Variants in HSD17B12 observed in about 807,000 individuals in gnomAD.
HSD17B12 encodes very-long-chain 3-oxoacyl-CoA reductase.
Under a neutral mutation model 39.3 loss-of-function variants are expected in HSD17B12, and 32 were observed. The observed-to-expected ratio is 0.81, with a 90% CI of 0.61 to 1.09. The LOEUF (loss-of-function observed/expected upper bound fraction) is 1.09, where lower values mean the gene tolerates loss of function less well. Ranked by LOEUF, HSD17B12 falls within the 50% of genes least tolerant of loss-of-function variation. The pLI is 0.00. For synonymous variants in HSD17B12, 150 were observed against 146.7 expected (o/e 1.02, Z -0.16); for missense variants, 342 against 382.9 (o/e 0.89, Z 0.89).
the HSD17B12 span, among the ~76,000 whole-genome samples, chr11:43,609,154 G>A: frequency 6.6e-6 from 1 of 151,516 alleles, no homozygotes; most frequent in Non-Finnish European, 1.5e-5. Flanking sequence ...TGTCCAGACT[G>A]GTCTCAAACT....
the HSD17B12 span, among the ~76,000 whole-genome samples, chr11:43,609,085 T>C: frequency 2.0e-5 from 3 of 151,584 alleles, no homozygotes; most frequent in Non-Finnish European, 4.4e-5. Flanking sequence ...CGCACCACCA[T>C]GCCCAGTTGA....
At chr11:43,818,529 A>C (rs1951151645) in intron 6 of HSD17B12, among the ~76,000 whole-genome samples, 1 of 152,234 alleles carries the variant, frequency 6.6e-6, no homozygotes, top group Non-Finnish European at 1.5e-5. Flanking sequence ...GGGCAGTGTC[A>C]GATACTTGAA....
chr11:43,787,129 C>G (rs1306204974), intron 3 of HSD17B12, among the ~76,000 whole-genome samples: 1 of 151,758 alleles, frequency 6.6e-6, no homozygotes, highest in Non-Finnish European at 1.5e-5. Context: ...TTTAGTAGAC[C>G]CTGGGTTTCA....
At chr11:43,772,836 C>G (rs1409470618) in intron 3 of HSD17B12, among the ~76,000 whole-genome samples, 3 of 152,276 alleles carry the variant, frequency 2.0e-5, no homozygotes, top group Non-Finnish European at 4.4e-5. Context: ...TTCAGCCAGG[C>G]ATGGTGGCTC....
At chr11:43,759,983 T>C (rs2134962900) in intron 3 of HSD17B12, among the ~76,000 whole-genome samples, 1 of 151,780 alleles carries the variant, frequency 6.6e-6, no homozygotes, top group East Asian at 1.9e-4. Context: ...GCAACCTACG[T>C]CTCCCAGGTT....
chr11:43,563,213 G>T, the HSD17B12 span, among the ~76,000 whole-genome samples: 1 of 152,162 alleles, frequency 6.6e-6, no homozygotes, highest in Non-Finnish European at 1.5e-5. Flanking sequence ...CCATACACTA[G>T]ATTCTCAGGA....
chr11:43,688,587 T>C (rs1378348247), intron 1 of HSD17B12, among the ~76,000 whole-genome samples: 1 of 152,252 alleles, frequency 6.6e-6, no homozygotes, highest in East Asian at 1.9e-4. Context: ...GAAAGTTATC[T>C]TTGCCACCAT....
At chr11:43,826,832 G>A (rs549997829) in intron 6 of HSD17B12, among the ~76,000 whole-genome samples, 46 of 152,314 alleles carry the variant, frequency 3.0e-4, no homozygotes, top group African/African-American at 1.0e-3. Context: ...TGTGTGCTGT[G>A]TCATTGTAGC....
At chr11:43,850,223 C>T (rs1228353601) in intron 9 of HSD17B12, among the ~76,000 whole-genome samples, 1 of 152,126 alleles carries the variant, frequency 6.6e-6, no homozygotes, top group Non-Finnish European at 1.5e-5. Flanking sequence ...AAGCTAATTT[C>T]GTGGTCTGCA....
At chr11:43,721,327 G>A (rs1950174098) in intron 1 of HSD17B12, among the ~76,000 whole-genome samples, 1 of 152,024 alleles carries the variant, frequency 6.6e-6, no homozygotes, top group Non-Finnish European at 1.5e-5. Context: ...GGGTAAGAGT[G>A]TTCCAGGCAG....
chr11:43,703,424 G>A (rs1410792231), intron 1 of HSD17B12, among the ~76,000 whole-genome samples: 1 of 152,176 alleles, frequency 6.6e-6, no homozygotes, highest in Non-Finnish European at 1.5e-5. Context: ...TCGATCTCCC[G>A]ACCTCGTGAT....
At chr11:43,636,044 G>T in the HSD17B12 span, among the ~76,000 whole-genome samples, 5 of 152,142 alleles carry the variant, frequency 3.3e-5, no homozygotes, top group Admixed American at 3.3e-4. Context: ...GCTGTACACA[G>T]GTACATGCCC....
At chr11:43,760,288 G>A (rs1309162484) in intron 3 of HSD17B12, among the ~76,000 whole-genome samples, 4 of 152,046 alleles carry the variant, frequency 2.6e-5, no homozygotes, top group Admixed American at 2.6e-4. Context: ...GAGCTCAAGC[G>A]ATCCTCCCAC....
At chr11:43,594,870 T>C in the HSD17B12 span, among the ~76,000 whole-genome samples, 2 of 152,024 alleles carry the variant, frequency 1.3e-5, no homozygotes, top group Admixed American at 1.3e-4. Context: ...TCCTTTTTCT[T>C]ATTTAAACAT....
At chr11:43,828,797 T>C (rs1565104307) in intron 6 of HSD17B12, among the ~76,000 whole-genome samples, 2 of 152,232 alleles carry the variant, frequency 1.3e-5, no homozygotes, top group Non-Finnish European at 2.9e-5. Context: ...TGCTTACAGA[T>C]AACTCTACTA....
At chr11:43,625,884 A>ATTCATATTTT in the HSD17B12 span, among the ~76,000 whole-genome samples, 2 of 151,566 alleles carry the variant, frequency 1.3e-5, no homozygotes, top group African/African-American at 4.8e-5. Flanking sequence ...AAATTTTAAT[A>ATTCATATTTT]TGAAGTATTT....
chr11:43,739,563 C>T (rs141472438), intron 1 of HSD17B12, among the ~76,000 whole-genome samples: 2 of 152,144 alleles, frequency 1.3e-5, no homozygotes, highest in Non-Finnish European at 2.9e-5. Context: ...GAGCAGAAGG[C>T]AGAAAGTTGG....
At chr11:43,596,790 C>A in the HSD17B12 span, among the ~76,000 whole-genome samples, 1 of 152,198 alleles carries the variant, frequency 6.6e-6, no homozygotes, top group Non-Finnish European at 1.5e-5. Context: ...TCACCCTTTT[C>A]TCATGCTGTC....
chr11:43,705,766 T>TC (rs1444154671), intron 1 of HSD17B12, among the ~76,000 whole-genome samples: 1 of 134,184 alleles, frequency 7.5e-6, no homozygotes, highest in African/African-American at 2.8e-5. Flanking sequence ...CTCCTCTTTT[T>TC]TTTTTTTTTT....
Sources: allele counts gnomAD v4.1 joint callset (sites outside exome capture counted in the v4.1 genomes callset), GRCh38; gene constraint gnomAD v4.1.1; transcripts MANE v1.5; gene names NCBI Gene and HGNC (gene_info 2026-07-23, HGNC 2026-07-21).